DPP9: variants seen among roughly 807,000 people sequenced by gnomAD.
The protein encoded by DPP9 is dipeptidyl peptidase IV-related protein-2.
Under a neutral mutation model 110.7 loss-of-function variants are expected in DPP9, and 50 were observed. The ratio of observed to expected loss-of-function variants is 0.45; its 90% CI spans 0.36 to 0.57. The LOEUF is 0.57. Ranked by LOEUF, DPP9 falls within the 20% of genes least tolerant of loss-of-function variation. The pLI, the probability that DPP9 is intolerant of heterozygous loss-of-function variation, is 0.00. For synonymous variants in DPP9, 561 were observed against 514.4 expected (o/e 1.09, Z -1.23); for missense variants, 1,022 against 1,217.9 (o/e 0.84, Z 2.39).
chr19:4,685,788 G>A lies in DPP9; in HGVS notation c.1886-17C>T, dbSNP rs376303186. The A allele has an allele frequency of 3.1e-6, 5 of 1,609,698 alleles. No homozygotes were observed. The highest frequency in any genetic ancestry group is 1.1e-5 in the South Asian group (1 of 90,922). On this transcript the variant is annotated splice_polypyrimidine_tract_variant and intron_variant, in intron 16 of 21. Transcript: ENST00000262960. This position sits in a 1 kb window ranked among gnomAD's most constrained non-coding sequence, Gnocchi z 5.8. ...GGGGGCAGCCTGCGGGAGACAGGGC[G>A]GCTATCTGGCTGCCCGGGGAAGCCA...
At chr19:4,691,046 C>T (rs2091269811) in intron 13 of DPP9, 89 bp from the exon 14 acceptor site, 14 of 992,286 alleles carry the variant, frequency 1.4e-5, no homozygotes, top group Non-Finnish European at 2.1e-5. Flanking sequence ...CCCGAGCAGA[C>T]TCACCATGGA....
rs2091739946 is a variant in DPP9 at position 4,695,644 on chromosome 19, C to T, written c.1176-89G>A. The T allele has an allele frequency of 3.3e-6, 4 of 1,201,144 alleles. No individual in the cohort carries two copies. The highest frequency in any genetic ancestry group is 6.1e-5 in the East Asian group (2 of 32,756). The allele number at this position is 1,201,144 out of a possible 1,614,324, so 74.4% of individuals were successfully genotyped here. A position where few individuals can be genotyped will look rare whatever the true frequency, so the allele number is the denominator to read the frequency against. Reference sequence around the variant, plus strand: ...AAGCTGGGGACGCAGCGTCCAAACCCGTGTGGAATCAGGGCTGGGCTTCCT... The same window carrying T: ...AAGCTGGGGACGCAGCGTCCAAACCTGTGTGGAATCAGGGCTGGGCTTCCT... On this transcript the variant is annotated intron_variant, in intron 11 of 21. Transcript: ENST00000262960. The surrounding 1 kb of genome is among the most constrained non-coding windows in gnomAD (Gnocchi z 4.7).
chr19:4,692,183 T>C (rs1217887546), intron 13 of DPP9, among the ~76,000 whole-genome samples: 5 of 152,066 alleles, frequency 3.3e-5, no homozygotes, highest in Admixed American at 2.6e-4. Flanking sequence ...TTATGATTGT[T>C]TTTTTGGGGG....
In DPP9 at chr19:4,684,641, A is replaced by G; in HGVS notation, c.2178+22T>C. 6.2e-7 allele frequency: 1 copy of G among 1,612,624 alleles called. No homozygotes were observed. Among genetic ancestry groups the G allele is most frequent in the Non-Finnish European group, 8.5e-7 (1 of 1,179,472 alleles). ...CCTTCCCGAGACCCAAAGGACCCAGAGCAACAGGGAGGAGTTGTTACCATT... is the reference window on the plus strand; with the variant it reads ...CCTTCCCGAGACCCAAAGGACCCAGGGCAACAGGGAGGAGTTGTTACCATT... On this transcript the variant is annotated intron_variant, in intron 18 of 21. Transcript: ENST00000262960. The surrounding 1 kb of genome is among the most constrained non-coding windows in gnomAD (Gnocchi z 4.8).
chr19:4,712,706 G>A lies in DPP9; in HGVS notation c.313+1375C>T, dbSNP rs140005996. On this transcript the variant is annotated intron_variant, in intron 4 of 21. Coordinates refer to ENST00000262960, the MANE Select transcript of DPP9 (RefSeq NM_139159.5). ...CCAGGAAAACCTGACTTCTGAAGAC[G>A]GCTGTCACCTGCCGACCCCTGTTCT... Among the ~76,000 whole-genome samples the A allele has an allele frequency of 2.4e-3, 358 of 152,222 alleles. 1 individual carries two copies. Among genetic ancestry groups the A allele is most frequent in the African/African-American group, 8.4e-3 (348 of 41,536 alleles).
chr19:4,722,273 C>T (rs1048664438), intron 2 of DPP9: 22 of 556,148 alleles, frequency 4.0e-5, no homozygotes, highest in Non-Finnish European at 6.7e-5. Context: ...TTCCTCTCCT[C>T]AAAGCCTTCA....
At chr19:4,708,556 C>G (rs72977989) in intron 4 of DPP9, among the ~76,000 whole-genome samples, 23,469 of 152,154 alleles carry the variant, frequency 0.15, 2,124 homozygotes, top group South Asian at 0.23. Flanking sequence ...CAACGGTAGA[C>G]TGGATAAAGA....
chr19:4,694,914 G>A lies in DPP9; in HGVS notation c.1354-91C>T. 1 of 1,349,648 alleles carries A rather than the reference G, an allele frequency of 7.4e-7. No individual in the cohort carries two copies. Among genetic ancestry groups the A allele is most frequent in the African/African-American group, 1.4e-5 (1 of 69,546 alleles). The allele number at this position is 1,349,648 out of a possible 1,614,324, so 83.6% of individuals were successfully genotyped here. ...AGTAATCCCAGTAGTTTGGGAGGCT[G>A]GGGCAGGAGACTTGCTTGAGCCCAG... is the stretch of plus-strand genomic sequence containing the variant. On this transcript the variant is annotated intron_variant, in intron 12 of 21. Coordinates refer to ENST00000262960, the MANE Select transcript of DPP9 (RefSeq NM_139159.5). This position sits in a 1 kb window ranked among gnomAD's most constrained non-coding sequence, Gnocchi z 4.0.
chr19:4,722,568 T>C lies in DPP9; in HGVS notation c.-88-17A>G, dbSNP rs1271759723. On this transcript the variant is annotated splice_polypyrimidine_tract_variant and intron_variant, in intron 1 of 21. Coordinates refer to ENST00000262960, the MANE Select transcript of DPP9 (RefSeq NM_139159.5). ...GACACAGACCTTTATAGGATAAACATGTCATGAATGTGGCAGGTTAATGGA... is the reference window on the plus strand; with the variant it reads ...GACACAGACCTTTATAGGATAAACACGTCATGAATGTGGCAGGTTAATGGA... The C allele has an allele frequency of 2.8e-6, 2 of 702,910 alleles. No homozygotes were observed. The highest frequency in any genetic ancestry group is 1.5e-5 in the South Asian group (1 of 67,590). The allele number at this position is 702,910 out of a possible 1,614,324, so 43.5% of individuals were successfully genotyped here. A position where few individuals can be genotyped will look rare whatever the true frequency, so the allele number is the denominator to read the frequency against.
Position 4,689,736 on chromosome 19 carries a change from G to A in DPP9, c.1597-14C>T. 1 of 1,541,158 alleles carries A rather than the reference G, an allele frequency of 6.5e-7. No homozygotes were observed. The highest frequency in any genetic ancestry group is 8.8e-7 in the Non-Finnish European group (1 of 1,139,920). ...ATTGACCCAGATCTGCAGGGGGACA[G>A]GGGATCCTCGTGATGCGTCCCAGAT... On this transcript the variant is annotated splice_polypyrimidine_tract_variant and intron_variant, in intron 14 of 21. Coordinates refer to ENST00000262960, the MANE Select transcript of DPP9 (RefSeq NM_139159.5). The surrounding 1 kb of genome is among the most constrained non-coding windows in gnomAD (Gnocchi z 7.0).
At chr19:4,713,966 C>T (rs952566528) in intron 4 of DPP9, 115 bp downstream of exon 4, 4 of 1,411,404 alleles carry the variant, frequency 2.8e-6, no homozygotes, top group Admixed American at 2.7e-5. Flanking sequence ...ATGCCCAGGG[C>T]CCAGCCATCC....
rs2092133294 is a variant in DPP9, at chr19:4,700,092, A to T, written c.1074+124T>A. Reference sequence around the variant, plus strand: ...CCTGTGGCTAGGCGGACCGGGCGGCAGGGCTGGGGCCTGGGGAGTGCCCCC... The same window carrying T: ...CCTGTGGCTAGGCGGACCGGGCGGCTGGGCTGGGGCCTGGGGAGTGCCCCC... On this transcript the variant is annotated intron_variant, in intron 10 of 21. Coordinates refer to ENST00000262960, the MANE Select transcript of DPP9 (RefSeq NM_139159.5). The surrounding 1 kb of genome is among the most constrained non-coding windows in gnomAD (Gnocchi z 4.3). The T allele has an allele frequency of 1.5e-6, 1 of 676,510 alleles. No homozygotes were observed. The highest frequency in any genetic ancestry group is 3.6e-5 in the Admixed American group (1 of 27,932). 41.9% of individuals were successfully genotyped at this position (676,510 alleles called of 1,614,324 possible).
intron 7 of DPP9, 116 bp from the exon 8 acceptor site, chr19:4,702,832 G>C (rs1305664668): frequency 8.1e-6 from 2 of 247,190 alleles, no homozygotes; most frequent in African/African-American, 2.5e-5. Context: ...GAAGGAAAGG[G>C]AAGGAGAGGG....
chr19:4,705,939 G>A lies in DPP9; in HGVS notation c.345C>T (p.Leu115=), dbSNP rs1198451546. ...CCTTCTTGGGAATCTCAGAGTAGAGGAGGGAGTTCTCTCGGCTGCCATATG... is the reference window on the plus strand; with the variant it reads ...CCTTCTTGGGAATCTCAGAGTAGAGAAGGGAGTTCTCTCGGCTGCCATATG... The part of the protein sequence containing the change: ...GMPYGSRENS[L]LYSEIPKKVR... The change falls in exon 5 of 22, where the codon CTC becomes CTT. Residue 115 remains leucine (L), a synonymous_variant. Transcript: ENST00000262960. 6.2e-7 allele frequency: 1 copy of A among 1,613,784 alleles called. No individual in the cohort carries two copies. The highest frequency in any genetic ancestry group is 1.7e-5 in the Admixed American group (1 of 60,000).
At chr19:4,683,893 C>T (rs1304546263) in intron 18 of DPP9, 6 of 1,357,322 alleles carry the variant, frequency 4.4e-6, no homozygotes, top group African/African-American at 1.4e-5. Context: ...TTGCCCATCC[C>T]TAATAAAGGG....
At chr19:4,706,820 A>G (rs2092608028) in intron 4 of DPP9, among the ~76,000 whole-genome samples, 1 of 152,192 alleles carries the variant, frequency 6.6e-6, no homozygotes, top group African/African-American at 2.4e-5. Context: ...TGTCTCAAAA[A>G]AGGGAATGGG....
At position 4,687,844 on chromosome 19, in the gene DPP9, C is replaced by CTA. The variant is rs1321263111; in HGVS notation, c.1885+911_1885+912dup. 3.3e-5 allele frequency among the ~76,000 whole-genome samples: 5 copies of CTA among 152,116 alleles called. No homozygotes were observed. In the South Asian group the frequency reaches 1.0e-3, roughly 32 times the overall value. The stretch of plus-strand genomic sequence containing the variant: ...ACGGAGTCTCGCTCTGTCGCCCAGG[C>CTA]TAAAGTACAGTGGTGCGATCTCAGC... On this transcript the variant is annotated intron_variant, in intron 16 of 21. Transcript: ENST00000262960. This position sits in a 1 kb window ranked among gnomAD's most constrained non-coding sequence, Gnocchi z 4.7.
Position 4,710,976 on chromosome 19 carries a change from C to T in DPP9, c.313+3105G>A, listed in dbSNP as rs1188149542. 1.3e-5 allele frequency among the ~76,000 whole-genome samples: 2 copies of T among 152,312 alleles called. No individual in the cohort carries two copies. Among genetic ancestry groups the T allele is most frequent in the Admixed American group, 6.5e-5 (1 of 15,304 alleles). The stretch of plus-strand genomic sequence containing the variant: ...ACACACACACGAGCCACAGGCGACC[C>T]GACGATCTCATCTATGCGGAGTCAA... On this transcript the variant is annotated intron_variant, in intron 4 of 21. Transcript: ENST00000262960. The surrounding 1 kb of genome is among the most constrained non-coding windows in gnomAD (Gnocchi z 5.6).
At chr19:4,690,734 C>G (rs1276831361) in intron 14 of DPP9, 144 bp downstream of exon 14, 2 of 706,408 alleles carry the variant, frequency 2.8e-6, no homozygotes, top group East Asian at 2.7e-5. Flanking sequence ...AGGGTCCTCA[C>G]AGGTGTGTGT....
Sources: allele counts gnomAD v4.1 joint callset (sites outside exome capture counted in the v4.1 genomes callset), GRCh38; gene constraint gnomAD v4.1.1; non-coding constraint Gnocchi (gnomAD v3.1); transcripts MANE v1.5; gene names NCBI Gene and HGNC (gene_info 2026-07-23, HGNC 2026-07-21).